The following UBE3D variants were observed in gnomAD, a reference collection of about 807,000 sequenced individuals.
UBE3D encodes E3 ubiquitin-protein ligase E3D.
A neutral mutation model predicts 49.6 loss-of-function variants in UBE3D; 48 were observed. The observed-to-expected ratio is 0.97, with a 90% CI of 0.77 to 1.23. The LOEUF (loss-of-function observed/expected upper bound fraction) is 1.23, where lower values mean the gene tolerates loss of function less well. Ranked by LOEUF, UBE3D falls within the 50% of genes most tolerant of loss-of-function variation. The probability of loss-of-function intolerance (pLI) is 0.00; values close to 1 mark genes in which losing one functional copy is unlikely to be tolerated. For synonymous variants in UBE3D, 189 were observed against 174.2 expected (o/e 1.08, Z -0.67); for missense variants, 452 against 468.4 (o/e 0.96, Z 0.32).
chr6:82,888,828 G>C (rs1009392327), downstream of UBE3D, among the ~76,000 whole-genome samples: 1 of 149,580 alleles, frequency 6.7e-6, no homozygotes, highest in Non-Finnish European at 1.5e-5. Flanking sequence ...AATTATGTTT[G>C]TCATTCTTCT....
intron 8 of UBE3D, among the ~76,000 whole-genome samples, chr6:82,983,827 A>C (rs1196646355): frequency 6.6e-6 from 1 of 152,168 alleles, no homozygotes. Context: ...ATTAGGATAT[A>C]TACTAAGAGA....
chr6:82,921,718 T>G (rs1361589730), intron 9 of UBE3D, among the ~76,000 whole-genome samples: 3 of 152,122 alleles, frequency 2.0e-5, no homozygotes, highest in African/African-American at 7.2e-5. Context: ...TTATGGGGCC[T>G]CACTAACAGT....
At chr6:83,040,136 G>A (rs1038053392) in intron 4 of UBE3D, among the ~76,000 whole-genome samples, 3 of 152,056 alleles carry the variant, frequency 2.0e-5, no homozygotes, top group Non-Finnish European at 4.4e-5. Flanking sequence ...TGTAATCCCA[G>A]CACTTTTGGA....
At chr6:82,959,938 G>A (rs544381856) in intron 8 of UBE3D, among the ~76,000 whole-genome samples, 1 of 152,154 alleles carries the variant, frequency 6.6e-6, no homozygotes, top group African/African-American at 2.4e-5. Flanking sequence ...TTCATGACGG[G>A]AAATAGTTAA....
In UBE3D at chr6:82,953,149, G is replaced by A. The variant is rs538586951; in HGVS notation, c.1149+4163C>T. ...ACACAGAGTGAAATAAACTAGCAAC[G>A]GCAATGACGTCAACAGGCTGCAACT... is the stretch of plus-strand genomic sequence containing the variant. On this transcript the variant is annotated intron_variant, in intron 9 of 9. Coordinates refer to ENST00000369747, the MANE Select transcript of UBE3D (RefSeq NM_198920.3). Among the ~76,000 whole-genome samples, 4 of 152,294 alleles carry A rather than the reference G, an allele frequency of 2.6e-5. No homozygotes were observed. The East Asian group carries it at 5.8e-4, about 22-fold the overall frequency.
chr6:82,916,257 T>A (rs1262832889), intron 9 of UBE3D, among the ~76,000 whole-genome samples: 2 of 152,304 alleles, frequency 1.3e-5, no homozygotes, highest in Middle Eastern at 3.4e-3. Context: ...AGTCTAGCCT[T>A]TTCTGAGATT....
downstream of UBE3D, among the ~76,000 whole-genome samples, chr6:82,889,313 T>C (rs1490861822): frequency 1.3e-5 from 2 of 152,212 alleles, no homozygotes; most frequent in African/African-American, 4.8e-5. Context: ...TATTTAACAC[T>C]GTCAGCACTT....
At chr6:83,010,948 A>C (rs555185648) in intron 8 of UBE3D, among the ~76,000 whole-genome samples, 1 of 152,262 alleles carries the variant, frequency 6.6e-6, no homozygotes, top group African/African-American at 2.4e-5. Flanking sequence ...CATCCAGTCA[A>C]GTTTATACTT....
At chr6:82,969,070 T>C (rs1417273280) in intron 8 of UBE3D, among the ~76,000 whole-genome samples, 1 of 152,158 alleles carries the variant, frequency 6.6e-6, no homozygotes, top group Non-Finnish European at 1.5e-5. Flanking sequence ...AACGCTTTCT[T>C]GTAAAGGAGA....
chr6:83,027,986 T>A (rs1196933549), intron 5 of UBE3D, among the ~76,000 whole-genome samples: 2 of 152,198 alleles, frequency 1.3e-5, no homozygotes, highest in African/African-American at 4.8e-5. Context: ...AGGTTTTTCT[T>A]GTCATCTATC....
chr6:83,011,948 C>A (rs569102639), intron 8 of UBE3D, among the ~76,000 whole-genome samples: 1 of 152,306 alleles, frequency 6.6e-6, no homozygotes, highest in East Asian at 1.9e-4. Context: ...AGAGCATACA[C>A]GGCCTTCTGG....
chr6:82,940,045 T>G (rs552340791), intron 9 of UBE3D, among the ~76,000 whole-genome samples: 13 of 152,296 alleles, frequency 8.5e-5, no homozygotes, highest in Middle Eastern at 3.4e-3. Context: ...GCAGGTCACG[T>G]GGCAGGTATC....
chr6:82,955,950 A>G (rs1157664972), intron 9 of UBE3D, among the ~76,000 whole-genome samples: 1 of 152,230 alleles, frequency 6.6e-6, no homozygotes, highest in Non-Finnish European at 1.5e-5. Context: ...AAATATAAAT[A>G]GGCATGCTAA....
chr6:82,954,002 C>T (rs1233244192), intron 9 of UBE3D, among the ~76,000 whole-genome samples: 1 of 152,098 alleles, frequency 6.6e-6, no homozygotes, highest in Non-Finnish European at 1.5e-5. Flanking sequence ...ACAGCCAGAA[C>T]CAGCTCGTGA....
intron 8 of UBE3D, among the ~76,000 whole-genome samples, chr6:82,969,019 T>G (rs1777149394): frequency 1.3e-5 from 2 of 152,150 alleles, no homozygotes; most frequent in Non-Finnish European, 1.5e-5. Context: ...TTATCGCAAT[T>G]GAAATCAGGA....
intron 5 of UBE3D, chr6:83,037,361 A>G (rs1782336514): frequency 6.6e-6 from 1 of 152,170 alleles, no homozygotes; most frequent in Non-Finnish European, 1.5e-5. Context: ...TTGTAGATAT[A>G]TATCTTTTCA....
the UBE3D span, among the ~76,000 whole-genome samples, chr6:82,883,301 A>G: frequency 6.6e-6 from 1 of 152,208 alleles, no homozygotes; most frequent in Non-Finnish European, 1.5e-5. Context: ...TTTAACAGCC[A>G]GAGAGATTCA....
intron 8 of UBE3D, among the ~76,000 whole-genome samples, chr6:82,987,652 T>G (rs2127727464): frequency 6.6e-6 from 1 of 152,316 alleles, no homozygotes; most frequent in East Asian, 1.9e-4. Context: ...ATATAGCGAC[T>G]TTGGAAAGCT....
downstream of UBE3D, among the ~76,000 whole-genome samples, chr6:82,888,611 G>C (rs115219001): frequency 8.8e-3 from 1,333 of 152,128 alleles, 21 homozygotes; most frequent in African/African-American, 0.031. Context: ...TAAAAGACAC[G>C]ACTAGGACAC....
Sources: allele counts gnomAD v4.1 joint callset (sites outside exome capture counted in the v4.1 genomes callset), GRCh38; gene constraint gnomAD v4.1.1; transcripts MANE v1.5; gene names NCBI Gene and HGNC (gene_info 2026-07-23, HGNC 2026-07-21).